The following ZNF536 variants were observed in gnomAD, a reference collection of about 807,000 sequenced individuals.
The protein encoded by ZNF536 is zinc finger protein 536.
In ZNF536, 13 loss-of-function variants were observed where a neutral mutation model predicts 84.5. That is an observed-to-expected ratio of 0.15 (90% CI 0.10 to 0.24). The LOEUF is 0.24. Ranked by LOEUF, ZNF536 falls within the 10% of genes least tolerant of loss-of-function variation. The probability of loss-of-function intolerance (pLI) is 1.00; values close to 1 mark genes in which losing one functional copy is unlikely to be tolerated. For synonymous variants in ZNF536, 811 were observed against 742.5 expected (o/e 1.09, Z -1.50); for missense variants, 1,536 against 1,747.5 (o/e 0.88, Z 2.16).
Position 30,489,529 on chromosome 19 carries a change from C to A in ZNF536, c.2170+43797C>A, listed in dbSNP as rs542363797. On this transcript the variant is annotated intron_variant, in intron 2 of 4. Coordinates refer to ENST00000355537, the MANE Select transcript of ZNF536 (RefSeq NM_014717.3). Reference sequence around the variant, plus strand: ...CCCGGGAGGTCCAGAATGCAGTGAGCTATGATTGTGCCACTGCACTCCAGC... The same window carrying A: ...CCCGGGAGGTCCAGAATGCAGTGAGATATGATTGTGCCACTGCACTCCAGC... Among the ~76,000 whole-genome samples the A allele has an allele frequency of 3.9e-5, 6 of 152,210 alleles. No homozygotes were observed. The East Asian group carries it at 1.2e-3, about 29-fold the overall frequency.
At chr19:30,558,371 C>T (rs904077940), downstream of ZNF536, among the ~76,000 whole-genome samples, 10 of 152,128 alleles carry the variant, frequency 6.6e-5, no homozygotes, top group South Asian at 2.1e-4. Context: ...ACCCCACAAC[C>T]GCCCAGAGGA....
chr19:30,353,302 C>T (rs57594351), intron 3 of ZNF536, among the ~76,000 whole-genome samples: 45 of 152,234 alleles, frequency 3.0e-4, no homozygotes, highest in African/African-American at 1.1e-3. Flanking sequence ...AGGCAGAGCA[C>T]GAGACAGTGG....
At position 30,596,268 on chromosome 19, in the gene ZNF536, A is replaced by G. The variant is rs554906812; in HGVS notation, c.169+46754A>G. Among the ~76,000 whole-genome samples, 32 of 151,008 alleles carry G rather than the reference A, an allele frequency of 2.1e-4. No homozygotes were observed. The South Asian group carries it at 3.4e-3, about 16-fold the overall frequency. Reference sequence around the variant, plus strand: ...AAATACAGAGAGAGAGGGAGAGGGGAAAAAAAAAGAAAATGCAAGGCATTC... The same window carrying G: ...AAATACAGAGAGAGAGGGAGAGGGGGAAAAAAAAGAAAATGCAAGGCATTC... On this transcript the variant is annotated intron_variant, in intron 1 of 1. Transcript: ENST00000592773.
intron 1 of ZNF536, among the ~76,000 whole-genome samples, chr19:30,251,742 T>C (rs948126523): frequency 3.9e-5 from 6 of 152,176 alleles, no homozygotes; most frequent in Non-Finnish European, 8.8e-5. Flanking sequence ...TTCCTACCCT[T>C]TCCCCCTGAG....
intron 3 of ZNF536, 53 bp downstream of exon 3, chr19:30,535,052 C>T (rs191745052): frequency 5.3e-5 from 82 of 1,546,784 alleles, no homozygotes; most frequent in East Asian, 3.3e-4. Context: ...AGGAGGTCCC[C>T]GTCCTGCCTG....
At chr19:30,559,586 C>T (rs1245710072), downstream of ZNF536, among the ~76,000 whole-genome samples, 1 of 152,230 alleles carries the variant, frequency 6.6e-6, no homozygotes, top group East Asian at 1.9e-4. Flanking sequence ...CTGCCCACTT[C>T]CTGCAAACCT....
intron 1 of ZNF536, among the ~76,000 whole-genome samples, chr19:30,598,061 A>G (rs1328375351): frequency 6.6e-6 from 1 of 152,202 alleles, no homozygotes; most frequent in African/African-American, 2.4e-5. Flanking sequence ...CACAGTACTT[A>G]GAGCAACAGA....
At chr19:30,707,217 C>G (rs553105589) in intron 1 of ZNF536, among the ~76,000 whole-genome samples, 1 of 152,166 alleles carries the variant, frequency 6.6e-6, no homozygotes, top group East Asian at 1.9e-4. Flanking sequence ...CTTAGATTCA[C>G]CATTAAGGTA....
chr19:30,289,250 G>T (rs1424367717), intron 2 of ZNF536, among the ~76,000 whole-genome samples: 2 of 152,138 alleles, frequency 1.3e-5, no homozygotes, highest in African/African-American at 2.4e-5. Context: ...CCATGGCCCG[G>T]TTTTATATTT....
chr19:30,346,339 A>G (rs905417081), intron 2 of ZNF536, among the ~76,000 whole-genome samples: 1 of 152,200 alleles, frequency 6.6e-6, no homozygotes, highest in African/African-American at 2.4e-5. Flanking sequence ...AATTTTATTT[A>G]TTTATAACTT....
Position 30,615,254 on chromosome 19 carries a change from G to A in ZNF536, c.169+65740G>A, listed in dbSNP as rs191508985. ...GCCACCGCGCCCGGCCTCAATTTTT[G>A]CTTTTAGATCCTTAACCATCTTCCT... is the stretch of plus-strand genomic sequence containing the variant. On this transcript the variant is annotated intron_variant, in intron 1 of 1. Transcript: ENST00000592773. Among the ~76,000 whole-genome samples, 263 of 152,020 alleles carry A rather than the reference G, an allele frequency of 1.7e-3. 5 individuals are homozygous for A. Among genetic ancestry groups the A allele is most frequent in the Non-Finnish European group, 5.0e-4 (34 of 67,988 alleles).
intron 2 of ZNF536, among the ~76,000 whole-genome samples, chr19:30,508,229 C>T (rs532456065): frequency 1.3e-5 from 2 of 152,246 alleles, no homozygotes; most frequent in African/African-American, 4.8e-5. Flanking sequence ...CTTGCAGGGG[C>T]TTATGGGAAA....
chr19:30,491,394 G>C (rs2054503459), intron 2 of ZNF536, among the ~76,000 whole-genome samples: 2 of 152,148 alleles, frequency 1.3e-5, no homozygotes, highest in Non-Finnish European at 2.9e-5. Flanking sequence ...TGCAGCCAAT[G>C]ACACCACAGT....
chr19:30,646,196 G>A (rs1242282018), intron 1 of ZNF536, among the ~76,000 whole-genome samples: 1 of 152,082 alleles, frequency 6.6e-6, no homozygotes, highest in Non-Finnish European at 1.5e-5. Flanking sequence ...CATCCCTGTG[G>A]CATCTATTAT....
intron 1 of ZNF536, among the ~76,000 whole-genome samples, chr19:30,425,945 G>A (rs1212309929): frequency 2.0e-5 from 3 of 152,156 alleles, no homozygotes; most frequent in Non-Finnish European, 4.4e-5. Context: ...AGGTGTGAGC[G>A]AGAGTGCAGG....
chr19:30,654,242 A>C (rs185630186), intron 1 of ZNF536, among the ~76,000 whole-genome samples: 73 of 152,298 alleles, frequency 4.8e-4, no homozygotes, highest in Admixed American at 1.7e-3. Flanking sequence ...TCACCTAGGT[A>C]CATCCAACAG....
At chr19:30,538,693 G>T (rs1330302101) in intron 3 of ZNF536, among the ~76,000 whole-genome samples, 2 of 152,188 alleles carry the variant, frequency 1.3e-5, no homozygotes, top group Non-Finnish European at 2.9e-5. Context: ...CCTCACTCTG[G>T]CTCCAGGCAG....
chr19:30,475,858 A>G lies in ZNF536; in HGVS notation c.2170+30126A>G, dbSNP rs543111478. On this transcript the variant is annotated intron_variant, in intron 2 of 4. Coordinates refer to ENST00000355537, the MANE Select transcript of ZNF536 (RefSeq NM_014717.3). ...CTCCCCATGTTCAGTTCCTGCCCAC[A>G]TCTAAAGGTATGGGGAGGTGCCTGC... Among the ~76,000 whole-genome samples, 9 of 152,202 alleles carry G rather than the reference A, an allele frequency of 5.9e-5. No individual in the cohort carries two copies. The East Asian group carries it at 1.5e-3, about 26-fold the overall frequency.
intron 1 of ZNF536, among the ~76,000 whole-genome samples, chr19:30,608,755 T>C (rs1426739260): frequency 1.3e-5 from 2 of 152,186 alleles, no homozygotes; most frequent in East Asian, 3.9e-4. Context: ...AGGGTGAACT[T>C]ATGTTGTGGA....
Sources: gnomAD v4.1 joint callset for allele counts (sites outside exome capture counted in the v4.1 genomes callset) on GRCh38, gnomAD v4.1.1 for gene constraint, MANE v1.5 for transcripts, NCBI Gene and HGNC (gene_info 2026-07-23, HGNC 2026-07-21) for gene names.